ADAM12: variants seen among roughly 807,000 people sequenced by gnomAD.
ADAM12 encodes the protein disintegrin and metalloproteinase domain-containing protein 12.
A neutral mutation model predicts 106.4 loss-of-function variants in ADAM12; 70 were observed. The ratio of observed to expected loss-of-function variants is 0.66; its 90% CI spans 0.54 to 0.80. The LOEUF is 0.80. Among genes scored for constraint, ADAM12 ranks in the 30% least tolerant of loss-of-function variants. The pLI is 0.00. For synonymous variants in ADAM12, 420 were observed against 433.5 expected (o/e 0.97, Z 0.39); for missense variants, 1,010 against 1,171.9 (o/e 0.86, Z 2.02).
chr10:126,384,177 C>T (rs1370433593), intron 1 of ADAM12, among the ~76,000 whole-genome samples: 2 of 152,112 alleles, frequency 1.3e-5, no homozygotes, highest in Admixed American at 6.6e-5. Flanking sequence ...TGCTTGGGTC[C>T]CCGATCACAT....
intron 22 of ADAM12, among the ~76,000 whole-genome samples, chr10:126,019,009 G>T (rs1344221432): frequency 6.6e-6 from 1 of 152,170 alleles, no homozygotes; most frequent in Non-Finnish European, 1.5e-5. Flanking sequence ...ATATCAAATT[G>T]TAATCCCCAA....
At chr10:126,272,455 T>A (rs923237672) in intron 3 of ADAM12, among the ~76,000 whole-genome samples, 2 of 152,182 alleles carry the variant, frequency 1.3e-5, no homozygotes, top group African/African-American at 4.8e-5. Context: ...TTGGGAGGCA[T>A]GAGCAAGCAC....
At chr10:126,132,164 G>C (rs1191365973) in intron 5 of ADAM12, among the ~76,000 whole-genome samples, 1 of 152,016 alleles carries the variant, frequency 6.6e-6, no homozygotes, top group Non-Finnish European at 1.5e-5. Context: ...TAGTAGAGAT[G>C]GGTTTTCACC....
At chr10:126,312,131 GAAAAAA>G (rs35783742) in intron 2 of ADAM12, among the ~76,000 whole-genome samples, 32 of 123,980 alleles carry the variant, frequency 2.6e-4, no homozygotes, top group African/African-American at 9.5e-4. Context: ...GGTTGGTGTG[GAAAAAA>G]AAAAAAAAAA....
intron 3 of ADAM12, among the ~76,000 whole-genome samples, chr10:126,256,388 G>C (rs1958892783): frequency 6.6e-6 from 1 of 152,124 alleles, no homozygotes; most frequent in Non-Finnish European, 1.5e-5. Context: ...CGGGATCTTG[G>C]GCAAGTGTCT....
rs574341309 is a variant in ADAM12 at position 126,150,799 on chromosome 10, A to C, written c.339+4428T>G. Among the ~76,000 whole-genome samples, 8 of 152,234 alleles carry C rather than the reference A, an allele frequency of 5.3e-5. No homozygotes were observed. The South Asian group carries it at 1.7e-3, about 32-fold the overall frequency. ...AGAACTGAACAGGCCATTCTGCTGC[A>C]TGAGAACTTCCTATGACTCCCAAAT... On this transcript the variant is annotated intron_variant, in intron 4 of 22. Transcript: ENST00000448723.
intron 3 of ADAM12, among the ~76,000 whole-genome samples, chr10:126,155,576 C>T (rs1254318651): frequency 7.9e-5 from 12 of 152,280 alleles, no homozygotes; most frequent in South Asian, 2.1e-4. Flanking sequence ...CCTCCCACCT[C>T]ATTCCTTCAT....
intron 1 of ADAM12, among the ~76,000 whole-genome samples, chr10:126,353,080 A>G (rs1402653219): frequency 6.6e-6 from 1 of 152,202 alleles, no homozygotes; most frequent in Admixed American, 6.5e-5. Flanking sequence ...GTGGAACATC[A>G]GAGCATCTCC....
intron 2 of ADAM12, among the ~76,000 whole-genome samples, chr10:126,321,721 G>T (rs1217050468): frequency 2.0e-5 from 3 of 152,184 alleles, no homozygotes; most frequent in African/African-American, 4.8e-5. Context: ...TCTGCCCCCT[G>T]AACCATGACC....
chr10:126,325,722 C>T (rs369322781), intron 2 of ADAM12, among the ~76,000 whole-genome samples: 62 of 152,158 alleles, frequency 4.1e-4, no homozygotes, highest in African/African-American at 1.4e-3. Context: ...GACATGTCTT[C>T]GCTGGTTCCG....
chr10:126,207,775 A>G (rs953159934), intron 3 of ADAM12, among the ~76,000 whole-genome samples: 2 of 152,246 alleles, frequency 1.3e-5, no homozygotes, highest in African/African-American at 4.8e-5. Flanking sequence ...GAACACCAAT[A>G]TTCTTCCAGA....
intron 3 of ADAM12, among the ~76,000 whole-genome samples, chr10:126,237,845 A>G (rs898970477): frequency 9.2e-5 from 14 of 152,184 alleles, no homozygotes; most frequent in African/African-American, 3.1e-4. Flanking sequence ...GATGGGGTAT[A>G]AAGAGCTTGG....
chr10:126,144,948 T>A (rs537358811), intron 4 of ADAM12, among the ~76,000 whole-genome samples: 2 of 152,240 alleles, frequency 1.3e-5, no homozygotes, highest in African/African-American at 4.8e-5. Flanking sequence ...TGGCTTGTGA[T>A]CCTAACCTTG....
intron 1 of ADAM12, among the ~76,000 whole-genome samples, chr10:126,370,563 C>T (rs1284917369): frequency 6.6e-6 from 1 of 152,176 alleles, no homozygotes; most frequent in Non-Finnish European, 1.5e-5. Context: ...CCTGTTTTTC[C>T]TGCCAGTCCT....
chr10:126,113,018 G>A (rs1300490856), intron 6 of ADAM12, among the ~76,000 whole-genome samples: 4 of 152,210 alleles, frequency 2.6e-5, no homozygotes. Context: ...AAGAAAGAGA[G>A]AGTCTGTGAA....
chr10:126,234,155 T>G (rs939936202), intron 3 of ADAM12, among the ~76,000 whole-genome samples: 30 of 152,146 alleles, frequency 2.0e-4, no homozygotes, highest in African/African-American at 7.0e-4. Context: ...AGGGAGGAGT[T>G]CGAGCATGTC....
chr10:126,246,167 T>C (rs558488077), intron 3 of ADAM12, among the ~76,000 whole-genome samples: 3 of 152,092 alleles, frequency 2.0e-5, no homozygotes, highest in Admixed American at 1.3e-4. Context: ...GGGCCTAAGA[T>C]ACAGGTGAAC....
chr10:126,145,924 A>G (rs1276488527), intron 4 of ADAM12, among the ~76,000 whole-genome samples: 1 of 152,222 alleles, frequency 6.6e-6, no homozygotes. Flanking sequence ...AAGAAATTTG[A>G]ATTTGACTGA....
intron 3 of ADAM12, among the ~76,000 whole-genome samples, chr10:126,165,197 T>C (rs537727378): frequency 6.6e-5 from 10 of 152,216 alleles, no homozygotes; most frequent in African/African-American, 2.4e-4. Flanking sequence ...AGACTGAGTC[T>C]CTCTCTGTCA....
Sources: allele counts gnomAD v4.1 joint callset (sites outside exome capture counted in the v4.1 genomes callset), GRCh38; gene constraint gnomAD v4.1.1; transcripts MANE v1.5; gene names NCBI Gene and HGNC (gene_info 2026-07-23, HGNC 2026-07-21).